The following NPSR1 variants were observed in gnomAD, a reference collection of about 807,000 sequenced individuals.
NPSR1 encodes the protein neuropeptide S receptor 1.
A neutral mutation model predicts 46.9 loss-of-function variants in NPSR1; 48 were observed. The ratio of observed to expected loss-of-function variants is 1.02; its 90% CI spans 0.81 to 1.30. The LOEUF is 1.30. NPSR1 is among the 50% of genes most tolerant of loss of function. NPSR1 has a pLI of 0.00. For synonymous variants in NPSR1, 176 were observed against 168.1 expected (o/e 1.05, Z -0.36); for missense variants, 450 against 449.5 (o/e 1.00, Z -0.01).
chr7:34,813,279 T>C (rs1789082241), intron 4 of NPSR1, among the ~76,000 whole-genome samples: 1 of 152,250 alleles, frequency 6.6e-6, no homozygotes, highest in Non-Finnish European at 1.5e-5. Flanking sequence ...AACTGATTCA[T>C]ACATATTAAA....
intron 2 of NPSR1, among the ~76,000 whole-genome samples, chr7:34,742,749 C>T (rs1785010868): frequency 6.6e-6 from 1 of 152,142 alleles, no homozygotes; most frequent in South Asian, 2.1e-4. Flanking sequence ...ATACTGCATT[C>T]CACAATGGTT....
intron 4 of NPSR1, among the ~76,000 whole-genome samples, chr7:34,823,460 G>T (rs1789673224): frequency 2.2e-5 from 3 of 137,944 alleles, no homozygotes; most frequent in Admixed American, 7.3e-5. Flanking sequence ...TATTCATTTT[G>T]ACTACTAATT....
chr7:34,716,693 G>A (rs1433296494), intron 2 of NPSR1, among the ~76,000 whole-genome samples: 1 of 152,076 alleles, frequency 6.6e-6, no homozygotes, highest in East Asian at 1.9e-4. Context: ...TTAAACCGCT[G>A]GCCAGGTATC....
chr7:34,757,890 G>A (rs957121702), intron 2 of NPSR1, among the ~76,000 whole-genome samples: 1 of 152,200 alleles, frequency 6.6e-6, no homozygotes, highest in Non-Finnish European at 1.5e-5. Context: ...CTCTTCTAGA[G>A]GTCTAATCCT....
intron 6 of NPSR1, among the ~76,000 whole-genome samples, chr7:34,842,902 G>A (rs780674503): frequency 6.6e-5 from 10 of 152,260 alleles, no homozygotes; most frequent in Non-Finnish European, 1.2e-4. Flanking sequence ...CACTCTCCAC[G>A]CATTTGTAGG....
In NPSR1 at chr7:34,874,041, C is replaced by G. The variant is rs545910069; in HGVS notation, c.1026-4035C>G. ...GAGCCCTAATGATACACAGTCTTCT[C>G]TTGAAAGAGGAGAAGACTGAGGCCC... is the stretch of plus-strand genomic sequence containing the variant. On this transcript the variant is annotated intron_variant, in intron 8 of 8. Coordinates refer to the NPSR1 transcript ENST00000359791. 1.6e-4 allele frequency among the ~76,000 whole-genome samples: 24 copies of G among 151,748 alleles called. 1 individual carries two copies. The highest frequency in any genetic ancestry group is 5.8e-4 in the African/African-American group (24 of 41,052).
At chr7:34,856,126 A>G (rs1046798513) in intron 8 of NPSR1, among the ~76,000 whole-genome samples, 3 of 152,158 alleles carry the variant, frequency 2.0e-5, no homozygotes, top group African/African-American at 7.2e-5. Context: ...ACTTCTGTTC[A>G]ACATTGTAAG....
chr7:34,843,007 C>G (rs1245846292), intron 6 of NPSR1, among the ~76,000 whole-genome samples: 1 of 152,192 alleles, frequency 6.6e-6, no homozygotes, highest in Non-Finnish European at 1.5e-5. Flanking sequence ...CTGCCTCCCA[C>G]CTCTCCTATT....
At chr7:34,706,390 T>G (rs1415754226) in intron 2 of NPSR1, among the ~76,000 whole-genome samples, 6 of 152,182 alleles carry the variant, frequency 3.9e-5, no homozygotes, top group African/African-American at 1.2e-4. Flanking sequence ...TTAGTAATTT[T>G]GGCCTTTCTG....
chr7:34,773,162 T>C (rs1405176605), intron 2 of NPSR1, among the ~76,000 whole-genome samples: 1 of 152,152 alleles, frequency 6.6e-6, no homozygotes, highest in African/African-American at 2.4e-5. Flanking sequence ...ATACTTCCTG[T>C]TAGGGACCCA....
At chr7:34,699,307 C>G (rs1220454790) in intron 2 of NPSR1, among the ~76,000 whole-genome samples, 2 of 152,134 alleles carry the variant, frequency 1.3e-5, no homozygotes, top group African/African-American at 4.8e-5. Context: ...TAGTGAGACC[C>G]TGTCTCTACT....
chr7:34,734,342 A>C (rs1031726538), intron 2 of NPSR1, among the ~76,000 whole-genome samples: 1 of 152,220 alleles, frequency 6.6e-6, no homozygotes, highest in Non-Finnish European at 1.5e-5. Context: ...AAACCAAACA[A>C]GGCAATAAAT....
intron 8 of NPSR1, among the ~76,000 whole-genome samples, chr7:34,865,434 C>T (rs1317016621): frequency 2.0e-5 from 3 of 151,740 alleles, no homozygotes; most frequent in South Asian, 2.1e-4. Context: ...GCTGAGCATG[C>T]TCAGTAGAAT....
At chr7:34,708,737 A>G (rs905034470) in intron 2 of NPSR1, among the ~76,000 whole-genome samples, 1 of 152,198 alleles carries the variant, frequency 6.6e-6, no homozygotes, top group African/African-American at 2.4e-5. Context: ...ACATTTTAAC[A>G]CTGCCTGAGA....
chr7:34,689,343 C>T (rs529421317), intron 2 of NPSR1, among the ~76,000 whole-genome samples: 45 of 152,100 alleles, frequency 3.0e-4, no homozygotes, highest in African/African-American at 8.0e-4. Context: ...CAGTGGCTCA[C>T]GCCTGTAATC....
In NPSR1 at chr7:34,849,886, A is replaced by C; in HGVS notation, c.*231A>C. 16 of 1,295,578 alleles carry C rather than the reference A, an allele frequency of 1.2e-5. No individual in the cohort carries two copies. Among genetic ancestry groups the C allele is most frequent in the Non-Finnish European group, 1.6e-5 (16 of 1,014,626 alleles). The allele number at this position is 1,295,578 out of a possible 1,614,324, so 80.3% of individuals were successfully genotyped here. Reference sequence around the variant, plus strand: ...GAAGGAAACGCCTTCCTTCCCCACCATTCCCAGCCCTCCTTCCCACTGGCC... The same window carrying C: ...GAAGGAAACGCCTTCCTTCCCCACCCTTCCCAGCCCTCCTTCCCACTGGCC... On this transcript the variant is annotated 3_prime_UTR_variant, in exon 9 of 9. Coordinates refer to ENST00000360581, the MANE Select transcript of NPSR1 (RefSeq NM_207172.2).
In NPSR1 at chr7:34,848,467, C is replaced by A; in HGVS notation, c.845-16C>A. On this transcript the variant is annotated splice_polypyrimidine_tract_variant and intron_variant, in intron 7 of 8. Coordinates refer to ENST00000360581, the MANE Select transcript of NPSR1 (RefSeq NM_207172.2). The stretch of plus-strand genomic sequence containing the variant: ...CTGCTACCTGCTGTGATGCTAATGG[C>A]TCTCTTCTCCCCCAGCCTTCATCTG... 1 of 1,612,554 alleles carries A rather than the reference C, an allele frequency of 6.2e-7. No individual in the cohort carries two copies. Among genetic ancestry groups the A allele is most frequent in the South Asian group, 1.1e-5 (1 of 90,800 alleles).
Position 34,811,787 on chromosome 7 carries a change from C to T in NPSR1, c.402C>T (p.Ala134=). ...VRYLQVVLLY[A]STYVLVSLSI... is the part of the protein sequence containing the mutation. ...GTCTTTAGGTTGTGCTGCTCTACGC[C>T]TCTACCTACGTCCTGGTGTCCCTCA... Residue 134 remains alanine, a synonymous_variant, in exon 4 of 9, where the codon GCC becomes GCT. Coordinates refer to ENST00000360581, the MANE Select transcript of NPSR1 (RefSeq NM_207172.2). 1 of 1,612,872 alleles carries T rather than the reference C, an allele frequency of 6.2e-7. No homozygotes were observed. Among genetic ancestry groups the T allele is most frequent in the Non-Finnish European group, 8.5e-7 (1 of 1,179,382 alleles).
intron 5 of NPSR1, among the ~76,000 whole-genome samples, chr7:34,829,411 C>T (rs1790015547): frequency 6.6e-6 from 1 of 152,224 alleles, no homozygotes; most frequent in Admixed American, 6.5e-5. Context: ...ATTTAGACAA[C>T]TATCCAAGGT....
Sources: allele counts gnomAD v4.1 joint callset (sites outside exome capture counted in the v4.1 genomes callset), GRCh38; gene constraint gnomAD v4.1.1; transcripts MANE v1.5; gene names NCBI Gene and HGNC (gene_info 2026-07-23, HGNC 2026-07-21).